The following PTCD3 variants were observed in gnomAD, a reference collection of about 807,000 sequenced individuals.
PTCD3 encodes the protein small ribosomal subunit protein mS39.
In PTCD3, 89 loss-of-function variants were observed where a neutral mutation model predicts 101.9. That is an observed-to-expected ratio of 0.87 (90% CI 0.74 to 1.04). The LOEUF (loss-of-function observed/expected upper bound fraction) is 1.04. PTCD3 is among the 50% of genes least tolerant of loss of function. The pLI, the probability that PTCD3 is intolerant of heterozygous loss-of-function variation, is 0.00. For synonymous variants in PTCD3, 296 were observed against 278.5 expected (o/e 1.06, Z -0.63); for missense variants, 870 against 828.2 (o/e 1.05, Z -0.62).
At position 86,125,001 on chromosome 2, in the gene PTCD3, A is replaced by G; in HGVS notation, c.723A>G (p.Lys241=). 1 of 1,613,968 alleles carries G rather than the reference A, an allele frequency of 6.2e-7. No homozygotes were observed. Among genetic ancestry groups the G allele is most frequent in the Non-Finnish European group, 8.5e-7 (1 of 1,179,996 alleles). Residue 241 remains lysine (K), a synonymous_variant, in exon 10 of 24, where the codon AAA becomes AAG. Coordinates refer to ENST00000254630, the MANE Select transcript of PTCD3 (RefSeq NM_017952.6). Reference sequence around the variant, plus strand: ...TTTACTCTCTTGTGTCTAGAGCAAAAAACAACGCTGAGAGAATCTTTTCTC... The same window carrying G: ...TTTACTCTCTTGTGTCTAGAGCAAAGAACAACGCTGAGAGAATCTTTTCTC... The part of the protein sequence containing the change: ...GHQFGVTWRA[K]NNAERIFSLM...
At chr2:86,111,203 TAAC>T (rs536044737) in intron 4 of PTCD3, 45 bp downstream of exon 4, 32 of 1,501,538 alleles carry the variant, frequency 2.1e-5, no homozygotes, top group Non-Finnish European at 2.9e-5. Flanking sequence ...ACTTGGCTAA[TAAC>T]ACACTTTTTA....
chr2:86,111,196 T>G (rs1674077480), intron 4 of PTCD3, 38 bp downstream of exon 4: 1 of 1,553,370 alleles, frequency 6.4e-7, no homozygotes, highest in Non-Finnish European at 8.9e-7. Flanking sequence ...ACCTAAAACT[T>G]GGCTAATAAC....
In PTCD3 at chr2:86,141,916, T is replaced by G. The variant is rs189328492; in HGVS notation, c.*4357T>G. ...CATCTCCTTGAAGTAGCACTGAGAA[T>G]CCAAGAAGAGGCTCCGCTGCTTTTT... On this transcript the variant is annotated 3_prime_UTR_variant, in exon 24 of 24. Coordinates refer to ENST00000254630, the MANE Select transcript of PTCD3 (RefSeq NM_017952.6). 1.3e-5 allele frequency: 2 copies of G among 152,262 alleles called. No individual in the cohort carries two copies. The highest frequency in any genetic ancestry group is 3.9e-4 in the East Asian group (2 of 5,174). The allele number at this position is 152,262 out of a possible 1,614,324, so 9.4% of individuals were successfully genotyped here. A position where few individuals can be genotyped will look rare whatever the true frequency, so the allele number is the denominator to read the frequency against.
At chr2:86,116,489 T>C in intron 4 of PTCD3, 41 bp from the exon 5 acceptor site, 2 of 1,517,034 alleles carry the variant, frequency 1.3e-6, no homozygotes, top group South Asian at 2.3e-5. Flanking sequence ...GTGAGCTGTC[T>C]TCAAAATAAA....
chr2:86,132,504 T>G (rs1674511284), intron 17 of PTCD3, 80 bp downstream of exon 17: 2 of 943,174 alleles, frequency 2.1e-6, no homozygotes, highest in Admixed American at 2.1e-5. Flanking sequence ...CCTTCATACC[T>G]CACCTCTGGT....
rs1674646517 is a variant in PTCD3 at position 86,139,384 on chromosome 2, A to AC, written c.*1825_*1826insC. ...GGTGGTATGTATCTGTGTCCCAGCT[A>AC]ATTGGGAGGGTGAGTTGGGAGGATT... On this transcript the variant is annotated 3_prime_UTR_variant, in exon 24 of 24. Transcript: ENST00000254630. 6.6e-6 allele frequency: 1 copy of AC among 152,132 alleles called. No individual in the cohort carries two copies. Among genetic ancestry groups the AC allele is most frequent in the South Asian group, 2.1e-4 (1 of 4,816 alleles). The allele number at this position is 152,132 out of a possible 1,614,324, so 9.4% of individuals were successfully genotyped here. A position where few individuals can be genotyped will look rare whatever the true frequency, so the allele number is the denominator to read the frequency against.
chr2:86,108,282 A>G (rs1674002153), intron 1 of PTCD3, 68 bp from the exon 2 acceptor site: 5 of 1,534,238 alleles, frequency 3.3e-6, no homozygotes, highest in Non-Finnish European at 4.4e-6. Flanking sequence ...CTCAAAGTAC[A>G]CATAGGTGGA....
chr2:86,125,083 G>A lies in PTCD3; in HGVS notation c.804+1G>A. On this transcript the variant is annotated splice_donor_variant, in intron 10 of 23. Coordinates refer to ENST00000254630, the MANE Select transcript of PTCD3 (RefSeq NM_017952.6). LOFTEE classifies it high-confidence loss of function. The stretch of plus-strand genomic sequence containing the variant: ...CACAATGATCCGAGGAATGGTGAAG[G>A]TACATTTGTTTTATTTATTTTTGTC... 1.9e-6 allele frequency: 3 copies of A among 1,613,210 alleles called. No individual in the cohort carries two copies. Among genetic ancestry groups the A allele is most frequent in the African/African-American group, 2.7e-5 (2 of 75,002 alleles).
At chr2:86,127,129 TGAAA>T in intron 12 of PTCD3, 28 bp from the exon 13 acceptor site, 1 of 1,582,242 alleles carries the variant, frequency 6.3e-7, no homozygotes, top group Non-Finnish European at 8.6e-7. Flanking sequence ...TACCCAGGCA[TGAAA>T]GATACTTCTT....
intron 3 of PTCD3, among the ~76,000 whole-genome samples, chr2:86,109,940 A>C (rs911274368): frequency 1.3e-5 from 2 of 152,240 alleles, no homozygotes; most frequent in African/African-American, 4.8e-5. Flanking sequence ...ATGTGTGAAA[A>C]TACCTTTAAA....
chr2:86,125,653 A>G, intron 11 of PTCD3, 138 bp downstream of exon 11: 1 of 1,096,386 alleles, frequency 9.1e-7, no homozygotes, highest in Non-Finnish European at 1.3e-6. Flanking sequence ...GCAAGAGTAG[A>G]GATCCAGAGA....
chr2:86,121,341 T>C lies in PTCD3; in HGVS notation c.539-138T>C. 7.9e-6 allele frequency: 4 copies of C among 508,170 alleles called. No homozygotes were observed. The South Asian group carries it at 1.0e-4, about 13-fold the overall frequency. The allele number at this position is 508,170 out of a possible 1,614,324, so 31.5% of individuals were successfully genotyped here. On this transcript the variant is annotated intron_variant, in intron 7 of 23. Transcript: ENST00000254630. ...TTCAGGTGTTTAAGTTGACGTTGAG[T>C]GCATAAAGTAGTGGACAACATTAAG...
At chr2:86,124,216 A>C (rs974559785) in intron 9 of PTCD3, among the ~76,000 whole-genome samples, 1 of 152,254 alleles carries the variant, frequency 6.6e-6, no homozygotes. Context: ...ATATTGGAGA[A>C]TTAGCTGGGT....
chr2:86,123,674 AT>A, intron 8 of PTCD3, 26 bp from the exon 9 acceptor site: 2 of 1,544,970 alleles, frequency 1.3e-6, no homozygotes, highest in Non-Finnish European at 1.8e-6. Context: ...CTTAACTTTT[AT>A]TTCTTTTGAT....
intron 7 of PTCD3, among the ~76,000 whole-genome samples, chr2:86,120,094 A>G (rs962289913): frequency 6.6e-6 from 1 of 152,252 alleles, no homozygotes; most frequent in African/African-American, 2.4e-5. Flanking sequence ...GGCTTGGTAC[A>G]GCATCAGATG....
Position 86,134,472 on chromosome 2 carries a change from G to A in PTCD3, c.1629+95G>A. 7 of 1,027,950 alleles carry A rather than the reference G, an allele frequency of 6.8e-6. No homozygotes were observed. The South Asian group carries it at 9.9e-5, about 15-fold the overall frequency. The allele number at this position is 1,027,950 out of a possible 1,614,324, so 63.7% of individuals were successfully genotyped here. ...TTTATCTGCCATTTTGGAGAGTTCT[G>A]CTACCCAAACCCATATTTGAGTGAT... On this transcript the variant is annotated intron_variant, in intron 20 of 23. Coordinates refer to ENST00000254630, the MANE Select transcript of PTCD3 (RefSeq NM_017952.6).
rs201352351 is a variant in PTCD3 at position 86,135,016 on chromosome 2, T to C, written c.1778+29T>C. 72 of 1,577,404 alleles carry C rather than the reference T, an allele frequency of 4.6e-5. No individual in the cohort carries two copies. In the Middle Eastern group the frequency reaches 6.7e-4, roughly 15 times the overall value. On this transcript the variant is annotated intron_variant, in intron 21 of 23. Transcript: ENST00000254630. Reference sequence around the variant, plus strand: ...AGTACAGTACCACAAGTATACACTTTAGAAGCTTTTGTATTTGAATCTAAA... The same window carrying C: ...AGTACAGTACCACAAGTATACACTTCAGAAGCTTTTGTATTTGAATCTAAA...
chr2:86,131,198 T>A, intron 16 of PTCD3, 92 bp downstream of exon 16: 3 of 957,962 alleles, frequency 3.1e-6, no homozygotes, highest in Non-Finnish European at 4.7e-6. Context: ...TTTCTAACTC[T>A]TCTGTTCATG....
At chr2:86,132,244 T>C (rs1674506395) in intron 16 of PTCD3, 74 bp from the exon 17 acceptor site, 4 of 862,656 alleles carry the variant, frequency 4.6e-6, no homozygotes, top group South Asian at 3.3e-5. Context: ...CAAGACACTC[T>C]ACTGTTGTTA....
Sources: gnomAD v4.1 joint callset for allele counts (sites outside exome capture counted in the v4.1 genomes callset) on GRCh38, gnomAD v4.1.1 for gene constraint, MANE v1.5 for transcripts, NCBI Gene and HGNC (gene_info 2026-07-23, HGNC 2026-07-21) for gene names.